The following NHLRC3 variants were observed in gnomAD, a reference collection of about 807,000 sequenced individuals.
The protein encoded by NHLRC3 is NHL repeat containing 3.
Under a neutral mutation model 32.0 loss-of-function variants are expected in NHLRC3, and 23 were observed. The ratio of observed to expected loss-of-function variants is 0.72; its 90% confidence interval spans 0.52 to 1.02. NHLRC3 has a LOEUF of 1.02. NHLRC3 is among the 50% of genes least tolerant of loss of function. NHLRC3 has a pLI of 0.00. For synonymous variants in NHLRC3, 159 were observed against 147.9 expected (o/e 1.08, Z -0.55); for missense variants, 407 against 406.8 (o/e 1.00, Z -0.01).
Position 39,039,159 on chromosome 13 carries a change from A to C in NHLRC3, c.108A>C (p.Ala36=). 2 of 1,607,596 alleles carry C rather than the reference A, an allele frequency of 1.2e-6. No homozygotes were observed. The highest frequency in any genetic ancestry group is 1.7e-6 in the Non-Finnish European group (2 of 1,177,900). ...GSPVLRNFTF[A]VSWRTEKILY... ...AGGTTTTGAGGAACTTTACTTTTGC[A>C]GTTTCCTGGAGAACTGAGAAAATTC... Residue 36 remains alanine (A), a synonymous_variant, in exon 2 of 7, where the codon GCA becomes GCC. Coordinates refer to ENST00000379600, the MANE Select transcript of NHLRC3 (RefSeq NM_001012754.4).
At chr13:39,046,999 T>C (rs1422673588) in intron 5 of NHLRC3, 41 bp from the exon 6 acceptor site, 1 of 1,192,870 alleles carries the variant, frequency 8.4e-7, no homozygotes, top group African/African-American at 1.5e-5. Flanking sequence ...TTTTTTCTTC[T>C]CATGGATATT....
At chr13:39,039,357 T>A in intron 2 of NHLRC3, 69 bp downstream of exon 2, 2 of 1,289,926 alleles carry the variant, frequency 1.6e-6, no homozygotes, top group Non-Finnish European at 2.2e-6. Flanking sequence ...CTTGCTGTAG[T>A]AACTGACCAT....
At chr13:39,038,398 A>T, upstream of NHLRC3, 1 of 557,820 alleles carries the variant, frequency 1.8e-6, no homozygotes. Flanking sequence ...AGCACCTGAC[A>T]TGAGGGCGGG....
chr13:39,038,461 C>A lies in NHLRC3; in HGVS notation c.-179C>A. On this transcript the variant is annotated 5_prime_UTR_variant, in exon 1 of 7. Coordinates refer to ENST00000379600, the MANE Select transcript of NHLRC3 (RefSeq NM_001012754.4). ...ACTGGTCTTCTGTGATTTTCATTCG[C>A]CCTGGTCTCTGTTCCCTTTCGTACT... The A allele has an allele frequency of 1.6e-6, 1 of 621,020 alleles. No individual in the cohort carries two copies. Among genetic ancestry groups the A allele is most frequent in the East Asian group, 2.7e-5 (1 of 37,164 alleles). The allele number at this position is 621,020 out of a possible 1,614,324, so 38.5% of individuals were successfully genotyped here.
chr13:39,038,581 C>T lies in NHLRC3; in HGVS notation c.-59C>T, dbSNP rs976550317. The T allele has an allele frequency of 5.3e-5, 75 of 1,415,120 alleles. No homozygotes were observed. Among genetic ancestry groups the T allele is most frequent in the Non-Finnish European group, 6.9e-5 (69 of 998,326 alleles). 87.7% of individuals were successfully genotyped at this position (1,415,120 alleles called of 1,614,324 possible). Reference sequence around the variant, plus strand: ...CGCTGCAAACCGTTGCAGCCTGAGGCTGTCAGGTCCTCCCCCAGACACCTG... The same window carrying T: ...CGCTGCAAACCGTTGCAGCCTGAGGTTGTCAGGTCCTCCCCCAGACACCTG... On this transcript the variant is annotated 5_prime_UTR_variant, in exon 1 of 7. Coordinates refer to ENST00000379600, the MANE Select transcript of NHLRC3 (RefSeq NM_001012754.4).
In NHLRC3 at chr13:39,039,800, T is replaced by C. The variant is rs912929846; in HGVS notation, c.385+89T>C. 1.6e-5 allele frequency: 14 copies of C among 861,982 alleles called. No homozygotes were observed. In the African/African-American group the frequency reaches 2.0e-4, roughly 12 times the overall value. The allele number at this position is 861,982 out of a possible 1,614,324, so 53.4% of individuals were successfully genotyped here. A position where few individuals can be genotyped will look rare whatever the true frequency, so the allele number is the denominator to read the frequency against. ...TTGTATTGTTTAAAATCAGAGTTGC[T>C]GAATCTAATTGTAATTTCTTTAACG... On this transcript the variant is annotated intron_variant, in intron 3 of 6. Transcript: ENST00000379600.
At chr13:39,041,451 A>G (rs1427722736) in intron 3 of NHLRC3, 2 of 152,108 alleles carry the variant, frequency 1.3e-5, no homozygotes, top group Non-Finnish European at 1.5e-5. Flanking sequence ...ATTTCTGTTC[A>G]CTGCTTTATG....
chr13:39,047,005 A>G, intron 5 of NHLRC3, 35 bp from the exon 6 acceptor site: 2 of 1,254,164 alleles, frequency 1.6e-6, no homozygotes, highest in Non-Finnish European at 2.3e-6. Flanking sequence ...CTTCTCATGG[A>G]TATTTTTCAA....
intron 3 of NHLRC3, chr13:39,041,022 T>G (rs1453590216): frequency 6.6e-6 from 1 of 152,212 alleles, no homozygotes; most frequent in Admixed American, 6.5e-5. Context: ...TTCATTTTAT[T>G]CATGTGATTT....
chr13:39,044,078 T>C lies in NHLRC3; in HGVS notation c.587-12T>C. Reference sequence around the variant, plus strand: ...ATATGTTGCTCTGACTATATATTTTTACCGTTTATAGATTTCATGATCCTT... The same window carrying C: ...ATATGTTGCTCTGACTATATATTTTCACCGTTTATAGATTTCATGATCCTT... On this transcript the variant is annotated splice_polypyrimidine_tract_variant and intron_variant, in intron 4 of 6. Transcript: ENST00000379600. 1 of 1,592,594 alleles carries C rather than the reference T, an allele frequency of 6.3e-7. No homozygotes were observed. Among genetic ancestry groups the C allele is most frequent in the Non-Finnish European group, 8.6e-7 (1 of 1,160,376 alleles).
rs114239415 is a variant in NHLRC3, at chr13:39,043,333, T to C, written c.587-757T>C. 5.2e-3 allele frequency among the ~76,000 whole-genome samples: 792 copies of C among 152,298 alleles called. 8 individuals carry two copies. The highest frequency in any genetic ancestry group is 0.018 in the African/African-American group (763 of 41,568). Reference sequence around the variant, plus strand: ...CTGCGTGGCTTTAAACAACATAAATTTATTCTCACAGTTTTGGAATCCAGA... The same window carrying C: ...CTGCGTGGCTTTAAACAACATAAATCTATTCTCACAGTTTTGGAATCCAGA... On this transcript the variant is annotated intron_variant, in intron 4 of 6. Coordinates refer to ENST00000379600, the MANE Select transcript of NHLRC3 (RefSeq NM_001012754.4).
rs1013002945 is a variant in NHLRC3 at position 39,038,534 on chromosome 13, G to A, written c.-106G>A. 22 of 920,930 alleles carry A rather than the reference G, an allele frequency of 2.4e-5. No homozygotes were observed. The highest frequency in any genetic ancestry group is 4.0e-5 in the Non-Finnish European group (22 of 556,270). 57.0% of individuals were successfully genotyped at this position (920,930 alleles called of 1,614,324 possible). ...GGGAAACCGGAGATAGGGTCTTCGG[G>A]CCCCGGGCAGACCCTCTGTGCCGCT... On this transcript the variant is annotated 5_prime_UTR_variant, in exon 1 of 7. Transcript: ENST00000379600.
In NHLRC3 at chr13:39,047,913, C is replaced by T. The variant is rs373655603; in HGVS notation, c.1031C>T (p.Ser344Leu). The change falls in exon 7 of 7, where the codon TCA becomes TTA. Residue 344 changes from serine (S) to leucine (L), a missense_variant. Transcript: ENST00000379600. ...GTCCCTTTGAATAGCTATGTTCCTT[C>T]ATTTGGTTCATAATGTTTCTTTCCT... ...KYVPLNSYVP[S>L]FGS is the part of the protein sequence containing the mutation. The T allele has an allele frequency of 1.4e-5, 23 of 1,602,822 alleles. No individual in the cohort carries two copies. The African/African-American group carries it at 2.7e-4, about 19-fold the overall frequency.
chr13:39,046,869 G>C (rs538324070), intron 5 of NHLRC3, among the ~76,000 whole-genome samples, 171 bp from the exon 6 acceptor site: 3 of 152,152 alleles, frequency 2.0e-5, no homozygotes, highest in Non-Finnish European at 4.4e-5. Flanking sequence ...CTTCAGAGAC[G>C]GCAACCTTTC....
rs745487060 is a variant in NHLRC3 at position 39,047,967 on chromosome 13, C to G, written c.*41C>G. The G allele has an allele frequency of 2.7e-6, 4 of 1,507,396 alleles. No individual in the cohort carries two copies. Among genetic ancestry groups the G allele is most frequent in the South Asian group, 1.2e-5 (1 of 82,676 alleles). 93.4% of individuals were successfully genotyped at this position (1,507,396 alleles called of 1,614,324 possible). ...AATATTTCAAGTGGCAGTTCAGATT[C>G]TCAATTCACTAAGTGCTTAAAAATG... On this transcript the variant is annotated 3_prime_UTR_variant, in exon 7 of 7. Coordinates refer to ENST00000379600, the MANE Select transcript of NHLRC3 (RefSeq NM_001012754.4).
In NHLRC3 at chr13:39,048,006, A is replaced by G. The variant is rs1220659744; in HGVS notation, c.*80A>G. The stretch of plus-strand genomic sequence containing the variant: ...TGCTTAAAAATGATGTTCAAGCACA[A>G]GAATTTATTTTTCTAGTATAAAAGA... On this transcript the variant is annotated 3_prime_UTR_variant, in exon 7 of 7. Coordinates refer to ENST00000379600, the MANE Select transcript of NHLRC3 (RefSeq NM_001012754.4). The G allele has an allele frequency of 2.6e-6, 3 of 1,164,760 alleles. No individual in the cohort carries two copies. In the African/African-American group the frequency reaches 4.6e-5, roughly 18 times the overall value. 72.2% of individuals were successfully genotyped at this position (1,164,760 alleles called of 1,614,324 possible).
chr13:39,045,930 C>T (rs1871654931), intron 5 of NHLRC3, among the ~76,000 whole-genome samples: 1 of 152,060 alleles, frequency 6.6e-6, no homozygotes, highest in Non-Finnish European at 1.5e-5. Context: ...ATCCACAAAC[C>T]CAAGAAATCC....
rs764708394 is a variant in NHLRC3, at chr13:39,047,047, T to C, written c.686T>C (p.Val229Ala). The change falls in exon 6 of 7, where the codon GTT becomes GCT. Residue 229 changes from valine to alanine, a missense_variant. By Grantham distance (64) the Val-to-Ala change is moderately conservative (BLOSUM62 0). Coordinates refer to ENST00000379600, the MANE Select transcript of NHLRC3 (RefSeq NM_001012754.4). ...TTTTTGTGTGTTTCTCAGGTGTGGG[T>C]TGCTGACCGAGGAAATAAAAGAATC... ...VTLDSAGRVW[V>A]ADRGNKRIQV... The C allele has an allele frequency of 1.9e-6, 3 of 1,605,430 alleles. No homozygotes were observed. Among genetic ancestry groups the C allele is most frequent in the Non-Finnish European group, 2.6e-6 (3 of 1,172,818 alleles).
intron 4 of NHLRC3, among the ~76,000 whole-genome samples, 162 bp downstream of exon 4, chr13:39,042,467 T>G (rs1482218950): frequency 1.3e-5 from 2 of 152,208 alleles, no homozygotes; most frequent in Admixed American, 1.3e-4. Context: ...TTGCCCACAA[T>G]AAATGATCCT....
Sources: gnomAD v4.1 joint callset for allele counts (sites outside exome capture counted in the v4.1 genomes callset) on GRCh38, gnomAD v4.1.1 for gene constraint, MANE v1.5 for transcripts, NCBI Gene and HGNC (gene_info 2026-07-23, HGNC 2026-07-21) for gene names.